Variants in GPD2 observed in about 807,000 individuals in gnomAD.
The protein encoded by GPD2 is glycerol-3-phosphate dehydrogenase 2.
In GPD2, 54 loss-of-function variants were observed where a neutral mutation model predicts 82.4. The observed-to-expected ratio is 0.66, with a 90% CI of 0.53 to 0.82. The LOEUF is 0.82. Among genes scored for constraint, GPD2 ranks in the 40% least tolerant of loss-of-function variants. GPD2 has a pLI of 0.00. For missense variants in GPD2, 748 were observed against 896.2 expected, an observed-to-expected ratio of 0.83 and a Z score of 2.11; for synonymous variants, 288 against 306.1, an observed-to-expected ratio of 0.94 and a Z score of 0.62.
chr2:156,422,042 G>A, the GPD2 span, among the ~76,000 whole-genome samples: 1 of 152,020 alleles, frequency 6.6e-6, no homozygotes, highest in Non-Finnish European at 1.5e-5. Flanking sequence ...TGGGAGGATT[G>A]CTTGAGTACA....
At chr2:156,475,920 T>A (rs567295161) in intron 1 of GPD2, among the ~76,000 whole-genome samples, 178 bp from the exon 2 acceptor site, 2 of 152,324 alleles carry the variant, frequency 1.3e-5, no homozygotes, top group Non-Finnish European at 2.9e-5. Context: ...TGTCTAGAAT[T>A]TTTTGGCTAT....
chr2:156,522,907 A>T (rs1399931476), intron 6 of GPD2, among the ~76,000 whole-genome samples: 1 of 147,578 alleles, frequency 6.8e-6, no homozygotes, highest in Non-Finnish European at 1.5e-5. Flanking sequence ...GCTATGATTG[A>T]TTTTTTTTTT....
rs540128434 is a variant in GPD2, at chr2:156,584,709, A to T, written c.*1791A>T. 1 of 152,520 alleles carries T rather than the reference A, an allele frequency of 6.6e-6. No individual in the cohort carries two copies. The highest frequency in any genetic ancestry group is 1.5e-5 in the Non-Finnish European group (1 of 67,966). The allele number at this position is 152,520 out of a possible 1,614,324, so 9.4% of individuals were successfully genotyped here. A position where few individuals can be genotyped will look rare whatever the true frequency, so the allele number is the denominator to read the frequency against. Reference sequence around the variant, plus strand: ...TTTACACTGGCTTTTTCATTTTTTTAAAGTAATTGAAGCTTGTGGCTTTAC... The same window carrying T: ...TTTACACTGGCTTTTTCATTTTTTTTAAGTAATTGAAGCTTGTGGCTTTAC... On this transcript the variant is annotated 3_prime_UTR_variant, in exon 17 of 17. Transcript: ENST00000438166.
At chr2:156,415,491 GCTTA>G in the GPD2 span, among the ~76,000 whole-genome samples, 3 of 151,946 alleles carry the variant, frequency 2.0e-5, no homozygotes, top group Non-Finnish European at 2.9e-5. Flanking sequence ...TGTCCTCATA[GCTTA>G]GCTCCCACAT....
At chr2:156,534,176 G>A (rs755947687) in intron 6 of GPD2, among the ~76,000 whole-genome samples, 24 of 152,318 alleles carry the variant, frequency 1.6e-4, no homozygotes, top group Middle Eastern at 3.4e-3. Flanking sequence ...GAGTTTGGCC[G>A]TCCTGTGGCC....
intron 1 of GPD2, among the ~76,000 whole-genome samples, chr2:156,451,575 C>T (rs1210305619): frequency 7.0e-6 from 1 of 143,004 alleles, no homozygotes; most frequent in Non-Finnish European, 1.5e-5. Context: ...GGTCTGACCC[C>T]CCCACCTCCT....
chr2:156,439,523 A>C (rs1203601299), intron 1 of GPD2, among the ~76,000 whole-genome samples: 1 of 97,254 alleles, frequency 1.0e-5, no homozygotes, highest in African/African-American at 3.8e-5. Flanking sequence ...GAAAAAAAAA[A>C]AAAAAAAAAA....
At chr2:156,452,653 C>G (rs1682654747) in intron 1 of GPD2, among the ~76,000 whole-genome samples, 1 of 152,082 alleles carries the variant, frequency 6.6e-6, no homozygotes, top group African/African-American at 2.4e-5. Flanking sequence ...GGATATTGGT[C>G]AAGGGAGGGT....
At position 156,535,357 on chromosome 2, in the gene GPD2, AAG is replaced by A. The variant is rs1298824638; in HGVS notation, c.662-14240_662-14239del. Among the ~76,000 whole-genome samples the A allele has an allele frequency of 3.2e-5, 4 of 126,728 alleles. No homozygotes were observed. In the East Asian group the frequency reaches 8.0e-4, roughly 25 times the overall value. 83.1% of individuals were successfully genotyped at this position (126,728 alleles called of 152,430 possible). A position where few individuals can be genotyped will look rare whatever the true frequency, so the allele number is the denominator to read the frequency against. On this transcript the variant is annotated intron_variant, in intron 6 of 16. Transcript: ENST00000438166. ...GAGAGAGAAGAGAGAGAAAGAAAGAAAGAGAGAGAGAGCGAGAAAGAGAAAAA... is the reference window on the plus strand; with the variant it reads ...GAGAGAGAAGAGAGAGAAAGAAAGAAAGAGAGAGAGCGAGAAAGAGAAAAA...
intron 9 of GPD2, among the ~76,000 whole-genome samples, chr2:156,561,011 T>G (rs1687146429): frequency 1.4e-5 from 2 of 142,330 alleles, no homozygotes; most frequent in Non-Finnish European, 3.0e-5. Context: ...ACTTTCTAGT[T>G]GAAGAAACTG....
chr2:156,559,309 G>A (rs1246412017), intron 9 of GPD2, among the ~76,000 whole-genome samples: 1 of 152,136 alleles, frequency 6.6e-6, no homozygotes, highest in Non-Finnish European at 1.5e-5. Flanking sequence ...TGCTACTCAT[G>A]ATTGTTTTGA....
the GPD2 span, among the ~76,000 whole-genome samples, chr2:156,426,175 G>C: frequency 1.3e-5 from 2 of 152,150 alleles, no homozygotes; most frequent in African/African-American, 4.8e-5. Flanking sequence ...CGCCCGCCTT[G>C]GCCTCCCAAA....
chr2:156,508,219 G>A (rs1684856955), intron 3 of GPD2, among the ~76,000 whole-genome samples: 1 of 151,906 alleles, frequency 6.6e-6, no homozygotes, highest in Non-Finnish European at 1.5e-5. Flanking sequence ...GTTGGACTGA[G>A]GTCTCTGTTC....
intron 1 of GPD2, among the ~76,000 whole-genome samples, chr2:156,439,849 A>AAAAATAAAT (rs138136386): frequency 6.8e-6 from 1 of 147,544 alleles, no homozygotes; most frequent in Non-Finnish European, 1.5e-5. Context: ...TCTGTCTCAA[A>AAAAATAAAT]AAATAAATAA....
intron 6 of GPD2, among the ~76,000 whole-genome samples, chr2:156,530,054 A>G (rs1301238226): frequency 6.7e-6 from 1 of 149,702 alleles, no homozygotes; most frequent in Non-Finnish European, 1.5e-5. Flanking sequence ...CACTATATTG[A>G]TTCTTCCTAC....
chr2:156,523,711 TA>T, intron 6 of GPD2, among the ~76,000 whole-genome samples: 1 of 151,512 alleles, frequency 6.6e-6, no homozygotes, highest in South Asian at 2.1e-4. Flanking sequence ...GATAGATAGA[TA>T]GATAGATATT....
intron 6 of GPD2, among the ~76,000 whole-genome samples, chr2:156,537,278 T>G (rs1418836317): frequency 6.6e-6 from 1 of 152,204 alleles, no homozygotes; most frequent in African/African-American, 2.4e-5. Context: ...CCCTGCAGGT[T>G]GAATGCTGTC....
At position 156,511,947 on chromosome 2, in the gene GPD2, C is replaced by A. The variant is rs574843184; in HGVS notation, c.400-273C>A. 7.2e-5 allele frequency among the ~76,000 whole-genome samples: 11 copies of A among 152,238 alleles called. No individual in the cohort carries two copies. In the South Asian group the frequency reaches 1.9e-3, roughly 26 times the overall value. ...AATCCAGAGGATGCAAGATAAATGGCTACAATAATCTTGTAACTCAAGTCA... is the reference window on the plus strand; with the variant it reads ...AATCCAGAGGATGCAAGATAAATGGATACAATAATCTTGTAACTCAAGTCA... On this transcript the variant is annotated intron_variant, in intron 4 of 16. Coordinates refer to ENST00000438166, the MANE Select transcript of GPD2 (RefSeq NM_000408.5).
upstream of GPD2, among the ~76,000 whole-genome samples, chr2:156,436,013 G>A (rs928823306): frequency 1.3e-5 from 2 of 152,212 alleles, no homozygotes; most frequent in African/African-American, 4.8e-5. Flanking sequence ...CACAAAGCAG[G>A]AACTGCAGCC....
Sources: allele counts gnomAD v4.1 joint callset (sites outside exome capture counted in the v4.1 genomes callset), GRCh38; gene constraint gnomAD v4.1.1; transcripts MANE v1.5; gene names NCBI Gene and HGNC (gene_info 2026-07-23, HGNC 2026-07-21).